The following PSD3 variants were observed in gnomAD, a reference collection of about 807,000 sequenced individuals.
The protein encoded by PSD3 is pleckstrin and Sec7 domain containing 3.
A neutral mutation model predicts 105.5 loss-of-function variants in PSD3; 49 were observed. The ratio of observed to expected loss-of-function variants is 0.46; its 90% CI spans 0.37 to 0.59. The LOEUF (loss-of-function observed/expected upper bound fraction) is 0.59. Among genes scored for constraint, PSD3 ranks in the 20% least tolerant of loss-of-function variants. The pLI is 0.00. For synonymous variants in PSD3, 557 were observed against 457.8 expected (o/e 1.22, Z -2.77); for missense variants, 1,561 against 1,263.8 (o/e 1.24, Z -3.57).
At chr8:18,766,843 C>A (rs759167568) in intron 8 of PSD3, among the ~76,000 whole-genome samples, 1 of 152,216 alleles carries the variant, frequency 6.6e-6, no homozygotes, top group East Asian at 1.9e-4. Flanking sequence ...GCCACCTGCA[C>A]ATGCAGTGTG....
intron 11 of PSD3, among the ~76,000 whole-genome samples, chr8:18,618,891 G>C (rs531462244): frequency 5.3e-5 from 8 of 152,026 alleles, no homozygotes; most frequent in African/African-American, 1.9e-4. Flanking sequence ...TTAATATGTT[G>C]CTCAGGCTGT....
At chr8:19,076,111 TAC>T (rs1563547578) in intron 1 of PSD3, among the ~76,000 whole-genome samples, 5 of 151,940 alleles carry the variant, frequency 3.3e-5, no homozygotes, top group Non-Finnish European at 5.9e-5. Context: ...TCAATAAAAA[TAC>T]GGTGGAAGGG....
At chr8:18,703,978 A>AG (rs1801739828) in intron 9 of PSD3, among the ~76,000 whole-genome samples, 2 of 152,160 alleles carry the variant, frequency 1.3e-5, no homozygotes, top group Non-Finnish European at 2.9e-5. Context: ...TCCACGAAAA[A>AG]GGGAAAAAAA....
At chr8:18,840,546 CA>C (rs1814536268) in intron 4 of PSD3, among the ~76,000 whole-genome samples, 1 of 152,232 alleles carries the variant, frequency 6.6e-6, no homozygotes, top group African/African-American at 2.4e-5. Context: ...AAGACGTTTA[CA>C]GGCATTAACA....
intron 4 of PSD3, among the ~76,000 whole-genome samples, chr8:18,861,058 A>C (rs1274720083): frequency 1.3e-5 from 2 of 152,162 alleles, no homozygotes; most frequent in Non-Finnish European, 2.9e-5. Context: ...TAGCTATTTG[A>C]AATCCAGGAC....
chr8:18,910,637 T>TAAAAAAAAA (rs34392783), intron 2 of PSD3, among the ~76,000 whole-genome samples: 15 of 97,096 alleles, frequency 1.5e-4, no homozygotes, highest in African/African-American at 2.3e-4. Context: ...TAGAGTATAA[T>TAAAAAAAAA]AAAAAAAAAA....
intron 1 of PSD3, among the ~76,000 whole-genome samples, chr8:19,074,022 C>T (rs1269995737): frequency 2.6e-5 from 4 of 152,084 alleles, no homozygotes; most frequent in African/African-American, 9.7e-5. Flanking sequence ...GATCTCCTGA[C>T]CTCGTGATCC....
rs554237583 is a variant in PSD3 at position 18,540,343 on chromosome 8, T to G, written c.2929-4385A>C. The stretch of plus-strand genomic sequence containing the variant: ...AAAATTTGGGTGACTTGTTTTATTG[T>G]GATATTTGCTTTATTGCAATACTCT... On this transcript the variant is annotated intron_variant, in intron 15 of 15. Transcript: ENST00000327040. 1.1e-4 allele frequency among the ~76,000 whole-genome samples: 16 copies of G among 152,332 alleles called. 1 individual carries two copies. The East Asian group carries it at 3.1e-3, about 29-fold the overall frequency.
intron 8 of PSD3, among the ~76,000 whole-genome samples, chr8:18,795,004 G>C (rs1008613035): frequency 5.9e-5 from 9 of 152,026 alleles, no homozygotes; most frequent in African/African-American, 2.2e-4. Flanking sequence ...TAAGATTCTA[G>C]GCTCCTAGAA....
intron 8 of PSD3, among the ~76,000 whole-genome samples, chr8:18,773,531 T>C (rs941979435): frequency 2.8e-4 from 43 of 152,332 alleles, no homozygotes; most frequent in African/African-American, 1.0e-3. Flanking sequence ...GAGATTTTGA[T>C]AGTAATCGTG....
At chr8:18,631,457 G>A (rs772563062) in intron 11 of PSD3, among the ~76,000 whole-genome samples, 4 of 151,932 alleles carry the variant, frequency 2.6e-5, no homozygotes, top group African/African-American at 4.8e-5. Context: ...AATTAAACAC[G>A]TGATCTATAG....
intron 8 of PSD3, among the ~76,000 whole-genome samples, chr8:18,790,272 T>C (rs773001954): frequency 1.3e-5 from 2 of 152,056 alleles, no homozygotes; most frequent in Non-Finnish European, 2.9e-5. Flanking sequence ...CAATTCATCA[T>C]TTTTAGATCA....
chr8:18,621,239 C>T (rs528218657), intron 11 of PSD3, among the ~76,000 whole-genome samples: 2 of 152,268 alleles, frequency 1.3e-5, no homozygotes, highest in Admixed American at 1.3e-4. Flanking sequence ...AAAACCGCTT[C>T]TCTACTAAAA....
intron 9 of PSD3, among the ~76,000 whole-genome samples, chr8:18,722,152 G>A (rs1251280331): frequency 2.0e-5 from 3 of 151,342 alleles, no homozygotes; most frequent in South Asian, 2.1e-4. Flanking sequence ...GTGGGTGGAC[G>A]ATCAAAGAAC....
At chr8:18,827,020 A>T (rs1432201004) in intron 4 of PSD3, among the ~76,000 whole-genome samples, 1 of 152,038 alleles carries the variant, frequency 6.6e-6, no homozygotes, top group African/African-American at 2.4e-5. Context: ...TTTCGTACCA[A>T]TATTAATGTC....
chr8:18,546,417 C>G (rs1585211946), intron 15 of PSD3, among the ~76,000 whole-genome samples: 1 of 152,164 alleles, frequency 6.6e-6, no homozygotes, highest in African/African-American at 2.4e-5. Flanking sequence ...AAAGCGCCTT[C>G]CAACCCAAGG....
chr8:18,627,411 C>G (rs766755803), intron 11 of PSD3, among the ~76,000 whole-genome samples: 12 of 151,970 alleles, frequency 7.9e-5, no homozygotes, highest in Non-Finnish European at 1.6e-4. Flanking sequence ...GATCTTAGCA[C>G]TAGTGAAAGG....
At chr8:18,560,795 C>T (rs1236706193) in intron 14 of PSD3, among the ~76,000 whole-genome samples, 2 of 152,126 alleles carry the variant, frequency 1.3e-5, no homozygotes, top group African/African-American at 4.8e-5. Flanking sequence ...AAGGACTTTG[C>T]TATGGTTTCA....
intron 11 of PSD3, among the ~76,000 whole-genome samples, chr8:18,622,440 G>A (rs975719543): frequency 2.6e-5 from 4 of 152,094 alleles, no homozygotes; most frequent in African/African-American, 9.7e-5. Flanking sequence ...TTTGTGCTGT[G>A]CTAGATGAGA....
Sources: allele counts gnomAD v4.1 joint callset (sites outside exome capture counted in the v4.1 genomes callset), GRCh38; gene constraint gnomAD v4.1.1; transcripts MANE v1.5; gene names NCBI Gene and HGNC (gene_info 2026-07-23, HGNC 2026-07-21).